The following ARHGEF12 variants were observed in gnomAD, a reference collection of about 807,000 sequenced individuals.
ARHGEF12 encodes Rho guanine nucleotide exchange factor 12.
ARHGEF12 carries 66 observed loss-of-function variants against 211.2 expected under a neutral mutation model. That is an observed-to-expected ratio of 0.31 (90% CI 0.26 to 0.38). ARHGEF12 has a LOEUF of 0.38. ARHGEF12 is among the 10% of genes least tolerant of loss of function. The probability of loss-of-function intolerance (pLI) is 1.00; values close to 1 mark genes in which losing one functional copy is unlikely to be tolerated. For synonymous variants in ARHGEF12, 592 were observed against 638.4 expected, an observed-to-expected ratio of 0.93 and a Z score of 1.09; for missense variants, 1,429 against 1,869.5, an observed-to-expected ratio of 0.76 and a Z score of 4.34.
At chr11:120,466,840 A>G (rs1946718469) in intron 28 of ARHGEF12, among the ~76,000 whole-genome samples, 1 of 152,232 alleles carries the variant, frequency 6.6e-6, no homozygotes, top group Non-Finnish European at 1.5e-5. Context: ...CAAATTAGCT[A>G]ACCAATTTTG....
At chr11:120,410,488 G>A (rs929166965) in intron 4 of ARHGEF12, 8 of 151,932 alleles carry the variant, frequency 5.3e-5, no homozygotes, top group African/African-American at 1.9e-4. Context: ...AGCTCCCCCA[G>A]GTGCAGATAG....
At chr11:120,369,246 A>G (rs1274504570) in intron 1 of ARHGEF12, among the ~76,000 whole-genome samples, 2 of 149,088 alleles carry the variant, frequency 1.3e-5, no homozygotes, top group Admixed American at 6.8e-5. Context: ...CTCCCACCTC[A>G]GCCTCCCGAG....
chr11:120,440,464 G>A (rs990552588), intron 13 of ARHGEF12, among the ~76,000 whole-genome samples: 6 of 152,050 alleles, frequency 3.9e-5, no homozygotes, highest in Admixed American at 1.3e-4. Context: ...TTGGGGTTGA[G>A]TGTGTTTCTT....
In ARHGEF12 at chr11:120,437,382, T is replaced by C. The variant is rs754929180; in HGVS notation, c.999T>C (p.Thr333=). 2 of 1,610,628 alleles carry C rather than the reference T, an allele frequency of 1.2e-6. No homozygotes were observed. The highest frequency in any genetic ancestry group is 1.1e-5 in the South Asian group (1 of 90,690). ...AGAAAAGTGAAACAATTCAGGACAC[T>C]GTGAGTATGAAATCCATGCAATGAT... ...NPEKSETIQD[T]DTQSLVGSPS... Residue 333 remains threonine (T), a splice_region_variant and synonymous_variant, in exon 12 of 41, where the codon ACT becomes ACC. Transcript: ENST00000397843.
At chr11:120,426,919 C>T (rs768594394) in intron 7 of ARHGEF12, among the ~76,000 whole-genome samples, 4 of 152,034 alleles carry the variant, frequency 2.6e-5, no homozygotes, top group Admixed American at 6.6e-5. Flanking sequence ...TTCTGTCACC[C>T]AGGCTGGCGT....
intron 1 of ARHGEF12, chr11:120,385,239 T>C (rs1326749907): frequency 2.2e-6 from 2 of 928,666 alleles, no homozygotes; most frequent in East Asian, 1.2e-4. Context: ...CAGCGCAGTG[T>C]TGGGCTTCGA....
intron 4 of ARHGEF12, among the ~76,000 whole-genome samples, chr11:120,419,362 A>G (rs1292552280): frequency 2.0e-5 from 3 of 150,174 alleles, no homozygotes; most frequent in Non-Finnish European, 4.5e-5. Flanking sequence ...TCTTTTTTTA[A>G]TGTTATAAAA....
At chr11:120,457,698 C>T (rs747656846) in intron 23 of ARHGEF12, 23 bp from the exon 24 acceptor site, 2 of 1,577,212 alleles carry the variant, frequency 1.3e-6, no homozygotes, top group South Asian at 2.4e-5. Flanking sequence ...TTTCATGTTA[C>T]TCTTTACTTT....
Position 120,487,277 on chromosome 11 carries a change from A to G in ARHGEF12, c.*2200A>G, listed in dbSNP as rs760677472. ...AATTATTTGCTTTCCCTGCAGTTCA[A>G]TTTCTCCTTGGAACTCTAACAGGAC... is the stretch of plus-strand genomic sequence containing the variant. On this transcript the variant is annotated 3_prime_UTR_variant, in exon 41 of 41. Transcript: ENST00000397843. 1.2e-4 allele frequency: 27 copies of G among 219,750 alleles called. No individual in the cohort carries two copies. Among genetic ancestry groups the G allele is most frequent in the East Asian group, 3.4e-4 (5 of 14,826 alleles). 13.6% of individuals were successfully genotyped at this position (219,750 alleles called of 1,614,324 possible).
chr11:120,484,556 G>A, intron 40 of ARHGEF12, 49 bp downstream of exon 40: 1 of 1,450,294 alleles, frequency 6.9e-7, no homozygotes, highest in Non-Finnish European at 9.6e-7. Flanking sequence ...ATCCTACACT[G>A]AATGAAATGA....
chr11:120,420,552 GA>G (rs1386226092), intron 4 of ARHGEF12, among the ~76,000 whole-genome samples, 200 bp from the exon 5 acceptor site: 1 of 152,220 alleles, frequency 6.6e-6, no homozygotes, highest in African/African-American at 2.4e-5. Context: ...CCGCCAGTGA[GA>G]AAACAGTATG....
intron 22 of ARHGEF12, among the ~76,000 whole-genome samples, chr11:120,454,877 A>G (rs957592188): frequency 6.6e-6 from 1 of 152,196 alleles, no homozygotes; most frequent in African/African-American, 2.4e-5. Flanking sequence ...CTTAGTCTCT[A>G]TAGGTGCACT....
chr11:120,399,037 A>G (rs1944471615), intron 1 of ARHGEF12, among the ~76,000 whole-genome samples: 2 of 152,062 alleles, frequency 1.3e-5, no homozygotes, highest in African/African-American at 4.8e-5. Context: ...CTATATAGTC[A>G]GGCACAGTGT....
At chr11:120,371,971 G>C (rs1186276594) in intron 1 of ARHGEF12, among the ~76,000 whole-genome samples, 1 of 152,208 alleles carries the variant, frequency 6.6e-6, no homozygotes, top group African/African-American at 2.4e-5. Context: ...ACAGAAAGCA[G>C]CACTCACCAA....
In ARHGEF12 at chr11:120,489,895, C is replaced by A. The variant is rs561011838; in HGVS notation, c.*4818C>A. The A allele has an allele frequency of 2.2e-5, 4 of 182,088 alleles. No individual in the cohort carries two copies. Among genetic ancestry groups the A allele is most frequent in the African/African-American group, 9.4e-5 (4 of 42,442 alleles). 11.3% of individuals were successfully genotyped at this position (182,088 alleles called of 1,614,324 possible). On this transcript the variant is annotated 3_prime_UTR_variant, in exon 41 of 41. Coordinates refer to ENST00000397843, the MANE Select transcript of ARHGEF12 (RefSeq NM_015313.3). ...ATTCCCACTTGCTCTTTGATAGCCACCTCCTAGGAATGGAGACAATAAAAC... is the reference window on the plus strand; with the variant it reads ...ATTCCCACTTGCTCTTTGATAGCCAACTCCTAGGAATGGAGACAATAAAAC...
At chr11:120,378,933 C>T (rs1943804894) in intron 1 of ARHGEF12, among the ~76,000 whole-genome samples, 1 of 152,108 alleles carries the variant, frequency 6.6e-6, no homozygotes, top group Non-Finnish European at 1.5e-5. Flanking sequence ...TGTTTTGGCT[C>T]TTCTAGATCT....
At chr11:120,406,842 G>A (rs529739870) in intron 2 of ARHGEF12, among the ~76,000 whole-genome samples, 1 of 152,298 alleles carries the variant, frequency 6.6e-6, no homozygotes, top group Non-Finnish European at 1.5e-5. Flanking sequence ...ACAGGCGTAA[G>A]CCACTGCACC....
chr11:120,337,164 C>G lies in ARHGEF12; in HGVS notation c.-80C>G, dbSNP rs1942374965. The G allele has an allele frequency of 6.4e-6, 10 of 1,571,572 alleles. No homozygotes were observed. The highest frequency in any genetic ancestry group is 8.8e-6 in the Non-Finnish European group (10 of 1,141,756). Reference sequence around the variant, plus strand: ...GTCCCTGACGGAGTTGGGCCTGATCCCAGAGCACTGGGGGTGGGGAGGAGG... The same window carrying G: ...GTCCCTGACGGAGTTGGGCCTGATCGCAGAGCACTGGGGGTGGGGAGGAGG... On this transcript the variant is annotated 5_prime_UTR_variant, in exon 1 of 41. Transcript: ENST00000397843.
intron 1 of ARHGEF12, among the ~76,000 whole-genome samples, chr11:120,373,639 A>G (rs891937937): frequency 1.3e-5 from 2 of 152,220 alleles, no homozygotes; most frequent in Non-Finnish European, 2.9e-5. Context: ...TTTAACTAGT[A>G]GAATAATGAT....
Sources: gnomAD v4.1 joint callset for allele counts (sites outside exome capture counted in the v4.1 genomes callset) on GRCh38, gnomAD v4.1.1 for gene constraint, MANE v1.5 for transcripts, NCBI Gene and HGNC (gene_info 2026-07-23, HGNC 2026-07-21) for gene names.